The following CACNG8 variants were observed in gnomAD, a reference collection of about 807,000 sequenced individuals.
CACNG8 encodes voltage-dependent calcium channel gamma-8 subunit.
A neutral mutation model predicts 26.9 loss-of-function variants in CACNG8; 5 were observed. The ratio of observed to expected loss-of-function variants is 0.19; its 90% confidence interval spans 0.10 to 0.39. The LOEUF is 0.39. Among genes scored for constraint, CACNG8 ranks in the 10% least tolerant of loss-of-function variants. CACNG8 has a pLI of 1.00. For synonymous variants in CACNG8, 321 were observed against 296.7 expected (o/e 1.08, Z -0.84); for missense variants, 473 against 609.4 (o/e 0.78, Z 2.36).
At chr19:53,969,462 T>A (rs1338674914) in intron 1 of CACNG8, among the ~76,000 whole-genome samples, 2 of 151,442 alleles carry the variant, frequency 1.3e-5, no homozygotes, top group Non-Finnish European at 2.9e-5. Flanking sequence ...TCTCACCACA[T>A]TGCCCAGCCT....
chr19:53,979,743 C>T, intron 2 of CACNG8, 124 bp from the exon 3 acceptor site: 1 of 993,652 alleles, frequency 1.0e-6, no homozygotes, highest in Non-Finnish European at 1.4e-6. Flanking sequence ...AGAACACAGC[C>T]GGAGAGAGAG....
intron 1 of CACNG8, among the ~76,000 whole-genome samples, chr19:53,963,976 TA>T (rs1207891859): frequency 6.6e-6 from 1 of 151,912 alleles, no homozygotes; most frequent in East Asian, 1.9e-4. Flanking sequence ...TAATTTTTTT[TA>T]TTATTTGTAG....
rs1382024570 is a variant in CACNG8, at chr19:53,982,888, G to A, written c.*39G>A. On this transcript the variant is annotated 3_prime_UTR_variant, in exon 4 of 4. Coordinates refer to ENST00000270458, the MANE Select transcript of CACNG8 (RefSeq NM_031895.6). The surrounding 1 kb of genome is among the most constrained non-coding windows in gnomAD (Gnocchi z 8.4). ...GAGCCGAGGGGCGTGTCCGGGGCGC[G>A]TGCGCGGGCGCGCGTGCATCGAGGC... 4.1e-6 allele frequency: 5 copies of A among 1,213,858 alleles called. No homozygotes were observed. Among genetic ancestry groups the A allele is most frequent in the Non-Finnish European group, 5.1e-6 (5 of 973,722 alleles). The allele number at this position is 1,213,858 out of a possible 1,614,324, so 75.2% of individuals were successfully genotyped here. A position where few individuals can be genotyped will look rare whatever the true frequency, so the allele number is the denominator to read the frequency against.
At chr19:53,980,095 C>CGA in intron 3 of CACNG8, 88 bp downstream of exon 3, 1 of 1,341,946 alleles carries the variant, frequency 7.5e-7, no homozygotes, top group Non-Finnish European at 9.8e-7. Flanking sequence ...TGCGCGCGCG[C>CGA]GCGTGAGTGC....
chr19:53,969,287 G>A (rs1044877721), intron 1 of CACNG8, among the ~76,000 whole-genome samples: 1 of 152,150 alleles, frequency 6.6e-6, no homozygotes, highest in African/African-American at 2.4e-5. Flanking sequence ...ATAGGTGTAA[G>A]CCACCGCGCC....
chr19:53,979,830 C>A, intron 2 of CACNG8, 37 bp from the exon 3 acceptor site: 3 of 1,549,338 alleles, frequency 1.9e-6, no homozygotes, highest in South Asian at 1.2e-5. Context: ...TGACCGCCCT[C>A]GCTCTCCCTC....
chr19:53,965,061 TA>T (rs766055746), intron 1 of CACNG8, among the ~76,000 whole-genome samples: 18 of 152,120 alleles, frequency 1.2e-4, no homozygotes, highest in Admixed American at 2.0e-4. Context: ...TGGGGATGGG[TA>T]AACTGAGGCT....
At position 53,982,729 on chromosome 19, in the gene CACNG8, GCCGCCCGCC is replaced by G. The variant is rs985530472; in HGVS notation, c.1167_1175del (p.Pro391_Pro393del). 1.2e-4 allele frequency: 145 copies of G among 1,182,802 alleles called. No homozygotes were observed. Among genetic ancestry groups the G allele is most frequent in the Non-Finnish European group, 1.4e-4 (138 of 962,412 alleles). 73.3% of individuals were successfully genotyped at this position (1,182,802 alleles called of 1,614,324 possible). On this transcript the variant is annotated inframe_deletion, in exon 4 of 4. Transcript: ENST00000270458. This position sits in a 1 kb window ranked among gnomAD's most constrained non-coding sequence, Gnocchi z 8.4. ...GCGGCGTCACGGTCACGGTCACCGG[GCCGCCCGCC>G]CCGCCCGCGCCCGCGCCACCCGCGC...
intron 1 of CACNG8, 100 bp downstream of exon 1, chr19:53,963,525 G>T (rs2069255164): frequency 8.2e-7 from 1 of 1,214,316 alleles, no homozygotes; most frequent in African/African-American, 1.6e-5. Flanking sequence ...GCCCCCTTGG[G>T]CACCCCTCCT....
At chr19:53,964,964 C>T (rs997711718) in intron 1 of CACNG8, among the ~76,000 whole-genome samples, 8 of 152,140 alleles carry the variant, frequency 5.3e-5, no homozygotes, top group African/African-American at 1.2e-4. Context: ...TTTCCTCTGC[C>T]CCTTCTTCCT....
Position 53,989,817 on chromosome 19 carries a change from T to C in CACNG8, c.*6968T>C, listed in dbSNP as rs11669989. 0.33 allele frequency: 49,999 copies of C among 152,430 alleles called. 9,031 individuals carry two copies. The highest frequency in any genetic ancestry group is 0.48 in the Middle Eastern group (143 of 296). The allele number at this position is 152,430 out of a possible 1,614,324, so 9.4% of individuals were successfully genotyped here. ...GCCTGTGACCTGGCCCTGTGCCGGG[T>C]AGAGCTGAGGATGCCAAGGTGAATT... On this transcript the variant is annotated 3_prime_UTR_variant, in exon 4 of 4. Transcript: ENST00000270458.
chr19:53,983,044 A>AG lies in CACNG8; in HGVS notation c.*200dup. 1 of 103,388 alleles carries AG rather than the reference A, an allele frequency of 9.7e-6. No individual in the cohort carries two copies. Among genetic ancestry groups the AG allele is most frequent in the Non-Finnish European group, 1.8e-5 (1 of 56,542 alleles). The allele number at this position is 103,388 out of a possible 1,614,324, so 6.4% of individuals were successfully genotyped here. A position where few individuals can be genotyped will look rare whatever the true frequency, so the allele number is the denominator to read the frequency against. On this transcript the variant is annotated 3_prime_UTR_variant, in exon 4 of 4. Coordinates refer to ENST00000270458, the MANE Select transcript of CACNG8 (RefSeq NM_031895.6). Reference sequence around the variant, plus strand: ...CCCCGAGGGAGGGGGCAGGGGAGGGAGGGGGCCGCTGTGAGGGAGCGTCGT... The same window carrying AG: ...CCCCGAGGGAGGGGGCAGGGGAGGGAGGGGGGCCGCTGTGAGGGAGCGTCGT...
At chr19:53,980,090 G>T in intron 3 of CACNG8, 83 bp downstream of exon 3, 1 of 1,368,586 alleles carries the variant, frequency 7.3e-7, no homozygotes, top group Non-Finnish European at 9.6e-7. Flanking sequence ...GTGTGTGCGC[G>T]CGCGCGCGTG....
intron 2 of CACNG8, 118 bp downstream of exon 2, chr19:53,978,347 G>A (rs981623266): frequency 1.4e-6 from 1 of 725,694 alleles, no homozygotes; most frequent in Non-Finnish European, 2.4e-6. Context: ...ACACGCCGAG[G>A]TTAGCCTCCC....
intron 1 of CACNG8, among the ~76,000 whole-genome samples, chr19:53,976,768 G>A (rs890583772): frequency 3.9e-5 from 6 of 151,986 alleles, no homozygotes; most frequent in Non-Finnish European, 7.4e-5. Flanking sequence ...CACCTCCTGG[G>A]TTCAAGTGGT....
chr19:53,983,706 G>C lies in CACNG8; in HGVS notation c.*857G>C, dbSNP rs1308162471. 6.6e-6 allele frequency: 1 copy of C among 152,416 alleles called. No individual in the cohort carries two copies. The highest frequency in any genetic ancestry group is 2.4e-5 in the African/African-American group (1 of 41,464). 9.4% of individuals were successfully genotyped at this position (152,416 alleles called of 1,614,324 possible). A position where few individuals can be genotyped will look rare whatever the true frequency, so the allele number is the denominator to read the frequency against. ...GGGAGCCTAACCCAGTTGTGAGGAA[G>C]AGATTTCAGTGGACAGTGAAAGGAT... On this transcript the variant is annotated 3_prime_UTR_variant, in exon 4 of 4. Coordinates refer to ENST00000270458, the MANE Select transcript of CACNG8 (RefSeq NM_031895.6).
chr19:53,979,066 G>T (rs12609089), intron 2 of CACNG8, among the ~76,000 whole-genome samples: 1 of 147,036 alleles, frequency 6.8e-6, no homozygotes, highest in Admixed American at 6.8e-5. Context: ...AAAAAAAGAG[G>T]GGGGAGAGAC....
At chr19:53,963,694 C>T (rs1229825189) in intron 1 of CACNG8, among the ~76,000 whole-genome samples, 1 of 152,086 alleles carries the variant, frequency 6.6e-6, no homozygotes, top group Non-Finnish European at 1.5e-5. Context: ...TCCTATCTTT[C>T]CCTAGTCCGT....
chr19:53,972,899 T>C (rs1188253230), intron 1 of CACNG8, among the ~76,000 whole-genome samples: 1 of 152,160 alleles, frequency 6.6e-6, no homozygotes, highest in Non-Finnish European at 1.5e-5. Flanking sequence ...AACCGAGCTG[T>C]GCTGGAAGGA....
Sources: allele counts gnomAD v4.1 joint callset (sites outside exome capture counted in the v4.1 genomes callset), GRCh38; gene constraint gnomAD v4.1.1; non-coding constraint Gnocchi (gnomAD v3.1); transcripts MANE v1.5; gene names NCBI Gene and HGNC (gene_info 2026-07-23, HGNC 2026-07-21).